PCDHA12: variants seen among roughly 807,000 people sequenced by gnomAD.
PCDHA12 encodes protocadherin alpha 12.
PCDHA12 carries 44 observed loss-of-function variants against 60.0 expected under a neutral mutation model. The ratio of observed to expected loss-of-function variants is 0.73; its 90% CI spans 0.58 to 0.94. PCDHA12 has a LOEUF of 0.94. PCDHA12 is among the 40% of genes least tolerant of loss of function. PCDHA12 has a pLI of 0.00. For missense variants in PCDHA12, 1,276 were observed against 1,239.7 expected (o/e 1.03, Z -0.44); for synonymous variants, 569 against 553.0 (o/e 1.03, Z -0.40).
In PCDHA12 at chr5:140,882,368, T is replaced by C. The variant is rs781902519; in HGVS notation, c.2367+4529T>C. On this transcript the variant is annotated intron_variant, in intron 1 of 3. Transcript: ENST00000398631. ...GACGGGTAGTGGCCAGCTCCACTAC[T>C]CCGTCCCCGAGGAAGCAAAACACGG... 1.9e-6 allele frequency: 3 copies of C among 1,614,218 alleles called. No individual in the cohort carries two copies. The South Asian group carries it at 3.3e-5, about 18-fold the overall frequency.
Position 140,968,423 on chromosome 5 carries a change from G to A in PCDHA12, c.2368-10526G>A, listed in dbSNP as rs782235507. The A allele has an allele frequency of 1.9e-6, 3 of 1,614,028 alleles. No homozygotes were observed. The South Asian group carries it at 3.3e-5, about 18-fold the overall frequency. On this transcript the variant is annotated intron_variant, in intron 1 of 3. Transcript: ENST00000398631. ...GTTCTTTGTGACTGTGGAGGCTCAG[G>A]ACAAGGGGAGCCCACCACTGAGCAG...
chr5:141,000,005 C>T (rs2097888446), intron 3 of PCDHA12, among the ~76,000 whole-genome samples: 1 of 152,024 alleles, frequency 6.6e-6, no homozygotes. Context: ...ATTAGATTGG[C>T]CTCCCCATTG....
At chr5:140,882,606 C>T in intron 1 of PCDHA12, 2 of 1,614,238 alleles carry the variant, frequency 1.2e-6, no homozygotes, top group Non-Finnish European at 1.7e-6. Context: ...GTGGACAGGC[C>T]TCTGCAGGTT....
chr5:140,901,356 T>C (rs1554189806), intron 1 of PCDHA12, among the ~76,000 whole-genome samples: 1 of 152,232 alleles, frequency 6.6e-6, no homozygotes, highest in Non-Finnish European at 1.5e-5. Context: ...GTCTTAGATT[T>C]AAGTCTTTAA....
At chr5:140,951,936 C>G (rs2153694375) in intron 1 of PCDHA12, among the ~76,000 whole-genome samples, 1 of 152,278 alleles carries the variant, frequency 6.6e-6, no homozygotes, top group Admixed American at 6.5e-5. Context: ...TCCCAAGATA[C>G]AGTGCGGGTA....
intron 1 of PCDHA12, among the ~76,000 whole-genome samples, chr5:140,936,918 T>C (rs2091208385): frequency 6.6e-6 from 1 of 152,198 alleles, no homozygotes; most frequent in Non-Finnish European, 1.5e-5. Flanking sequence ...CTGTAGAAAA[T>C]ATGGGGTATA....
At chr5:140,920,960 A>C (rs1554200006) in intron 1 of PCDHA12, among the ~76,000 whole-genome samples, 1 of 151,930 alleles carries the variant, frequency 6.6e-6, no homozygotes, top group Admixed American at 6.6e-5. Flanking sequence ...CTACACATGT[A>C]GTACTAGAGT....
chr5:140,952,566 G>A (rs1198943972), intron 1 of PCDHA12, among the ~76,000 whole-genome samples: 1 of 151,938 alleles, frequency 6.6e-6, no homozygotes, highest in African/African-American at 2.4e-5. Flanking sequence ...TCAGCACTTC[G>A]GTCCCAATCA....
At chr5:140,905,787 G>C (rs1468265319) in intron 1 of PCDHA12, among the ~76,000 whole-genome samples, 1 of 152,012 alleles carries the variant, frequency 6.6e-6, no homozygotes, top group African/African-American at 2.4e-5. Flanking sequence ...TATTAGTCAG[G>C]GTTCTCTAGA....
In PCDHA12 at chr5:140,969,225, C is replaced by T. The variant is rs782766938; in HGVS notation, c.2368-9724C>T. 22 of 1,614,118 alleles carry T rather than the reference C, an allele frequency of 1.4e-5. No homozygotes were observed. Among genetic ancestry groups the T allele is most frequent in the East Asian group, 1.3e-4 (6 of 44,872 alleles). Reference sequence around the variant, plus strand: ...GGGGCCCAGACAGGACCAGGGCCTTCGGGAGCCCAAGCAGCAGTGACTGAC... The same window carrying T: ...GGGGCCCAGACAGGACCAGGGCCTTTGGGAGCCCAAGCAGCAGTGACTGAC... On this transcript the variant is annotated intron_variant, in intron 1 of 3. Coordinates refer to ENST00000398631, the MANE Select transcript of PCDHA12 (RefSeq NM_018903.4).
chr5:140,930,494 A>T (rs1238249815), intron 1 of PCDHA12: 3 of 152,500 alleles, frequency 2.0e-5, no homozygotes, highest in Admixed American at 6.6e-5. Flanking sequence ...AAGTGCTGGG[A>T]TTACAGGCAT....
intron 1 of PCDHA12, chr5:140,968,057 C>T (rs781959040): frequency 1.5e-5 from 24 of 1,613,992 alleles, no homozygotes; most frequent in East Asian, 6.7e-5. Context: ...GGACCGAGAG[C>T]GGGTGGCTGT....
At chr5:140,893,104 T>A (rs2063818844) in intron 1 of PCDHA12, among the ~76,000 whole-genome samples, 1 of 152,224 alleles carries the variant, frequency 6.6e-6, no homozygotes, top group South Asian at 2.1e-4. Flanking sequence ...TGGATAATAT[T>A]CCGTTGTGCA....
chr5:140,980,824 A>G (rs2096907010), intron 2 of PCDHA12, among the ~76,000 whole-genome samples: 1 of 152,192 alleles, frequency 6.6e-6, no homozygotes, highest in Non-Finnish European at 1.5e-5. Flanking sequence ...ATATTAAATG[A>G]GTTGTGAACC....
intron 1 of PCDHA12, among the ~76,000 whole-genome samples, chr5:140,944,938 A>G (rs2153667882): frequency 6.6e-6 from 1 of 152,262 alleles, no homozygotes; most frequent in African/African-American, 2.4e-5. Context: ...CCTTCTTTAG[A>G]TGATTGTGAA....
At chr5:140,926,772 G>A in intron 1 of PCDHA12, 1 of 1,380,738 alleles carries the variant, frequency 7.2e-7, no homozygotes, top group Non-Finnish European at 9.4e-7. Context: ...CCAGCCCGCA[G>A]CAGTGACGGC....
chr5:140,913,107 CA>C (rs2076210472), intron 1 of PCDHA12, among the ~76,000 whole-genome samples: 1 of 152,078 alleles, frequency 6.6e-6, no homozygotes, highest in South Asian at 2.1e-4. Context: ...CTCATAGAAT[CA>C]GTTTGGAAGT....
chr5:140,977,610 A>G (rs1056611698), intron 1 of PCDHA12, among the ~76,000 whole-genome samples: 1 of 152,196 alleles, frequency 6.6e-6, no homozygotes, highest in Non-Finnish European at 1.5e-5. Context: ...CCATTGAGGT[A>G]AAGTATCCCA....
intron 1 of PCDHA12, among the ~76,000 whole-genome samples, chr5:140,935,971 C>A (rs1563151362): frequency 6.7e-6 from 1 of 149,774 alleles, no homozygotes; most frequent in African/African-American, 2.5e-5. Context: ...TGGCTCACTG[C>A]AATCTCTGCC....
Sources: allele counts gnomAD v4.1 joint callset (sites outside exome capture counted in the v4.1 genomes callset), GRCh38; gene constraint gnomAD v4.1.1; transcripts MANE v1.5; gene names NCBI Gene and HGNC (gene_info 2026-07-23, HGNC 2026-07-21).